Variants in CDH13 observed in about 807,000 individuals in gnomAD.
CDH13 encodes the protein cadherin 13, also known as cadherin-13.
CDH13 carries 24 observed loss-of-function variants against 63.8 expected under a neutral mutation model. That is an observed-to-expected ratio of 0.38 (90% CI 0.27 to 0.53). The LOEUF is 0.53. Ranked by LOEUF, CDH13 falls within the 20% of genes least tolerant of loss-of-function variation. The pLI, the probability that CDH13 is intolerant of heterozygous loss-of-function variation, is 0.85. For synonymous variants in CDH13, 503 were observed against 355.3 expected (o/e 1.42, Z -4.67); for missense variants, 1,049 against 903.1 (o/e 1.16, Z -2.07).
intron 4 of CDH13, among the ~76,000 whole-genome samples, chr16:83,164,963 A>C (rs1229542579): frequency 6.6e-6 from 1 of 151,822 alleles, no homozygotes; most frequent in Non-Finnish European, 1.5e-5. Flanking sequence ...CCATGGCAGA[A>C]CTGGAGACAA....
chr16:83,010,142 A>AAAAAAAG (rs1913982619), intron 2 of CDH13, among the ~76,000 whole-genome samples: 1 of 81,928 alleles, frequency 1.2e-5, no homozygotes, highest in African/African-American at 4.0e-5. Context: ...TCTCAAAAAA[A>AAAAAAAG]AAAAAAAAAA....
chr16:83,522,641 G>C (rs548000284), intron 7 of CDH13, among the ~76,000 whole-genome samples: 16 of 152,302 alleles, frequency 1.1e-4, no homozygotes, highest in East Asian at 5.8e-4. Context: ...AGCGCAGTGG[G>C]TTCTTAAACA....
At chr16:83,044,124 C>A (rs1301786369) in intron 3 of CDH13, among the ~76,000 whole-genome samples, 1 of 152,196 alleles carries the variant, frequency 6.6e-6, no homozygotes, top group Non-Finnish European at 1.5e-5. Flanking sequence ...CCTCACACAT[C>A]CATCTGTTTT....
chr16:83,268,235 C>A (rs976496820), intron 5 of CDH13, among the ~76,000 whole-genome samples: 1 of 152,184 alleles, frequency 6.6e-6, no homozygotes, highest in Non-Finnish European at 1.5e-5. Context: ...TACCTATACT[C>A]ATGTTGTATA....
intron 13 of CDH13, among the ~76,000 whole-genome samples, chr16:83,793,223 A>G (rs1171680152): frequency 6.6e-6 from 1 of 152,216 alleles, no homozygotes; most frequent in Non-Finnish European, 1.5e-5. Flanking sequence ...CTGGGCTGGA[A>G]TTCACGCCTC....
chr16:83,290,430 C>G (rs370676603), intron 5 of CDH13, among the ~76,000 whole-genome samples: 7 of 152,202 alleles, frequency 4.6e-5, no homozygotes, highest in African/African-American at 1.4e-4. Context: ...AGAAGTCTCA[C>G]GAGATCTGAT....
chr16:83,611,338 G>T (rs981126823), intron 8 of CDH13, among the ~76,000 whole-genome samples: 1 of 151,756 alleles, frequency 6.6e-6, no homozygotes, highest in South Asian at 2.1e-4. Flanking sequence ...CTACCCCAAA[G>T]GTTTAATTTC....
intron 3 of CDH13, among the ~76,000 whole-genome samples, chr16:83,109,757 G>A (rs895258820): frequency 6.6e-6 from 1 of 152,166 alleles, no homozygotes; most frequent in African/African-American, 2.4e-5. Context: ...AGTAGCTATT[G>A]AACATGAATA....
intron 10 of CDH13, chr16:83,721,919 G>A (rs1183408393): frequency 1.3e-5 from 2 of 152,250 alleles, no homozygotes; most frequent in Non-Finnish European, 2.9e-5. Context: ...CATTTTGCTA[G>A]AGTAGAGAGA....
chr16:82,922,586 C>G (rs2042189077), intron 2 of CDH13, among the ~76,000 whole-genome samples: 1 of 152,108 alleles, frequency 6.6e-6, no homozygotes, highest in African/African-American at 2.4e-5. Flanking sequence ...AACAGGTATG[C>G]CTTCAAAACT....
Position 82,627,264 on chromosome 16 carries a change from G to T in CDH13, c.45+127G>T, listed in dbSNP as rs141835567. The T allele has an allele frequency of 1.3e-3, 972 of 773,566 alleles. 5 individuals are homozygous for T. In the African/African-American group the frequency reaches 0.015, roughly 12 times the overall value. 47.9% of individuals were successfully genotyped at this position (773,566 alleles called of 1,614,324 possible). A position where few individuals can be genotyped will look rare whatever the true frequency, so the allele number is the denominator to read the frequency against. On this transcript the variant is annotated intron_variant, in intron 1 of 13. Transcript: ENST00000567109. ...GGTCGCGGCGGCGAAGACAGATCGG[G>T]GCTCGGTAGGGAGGTCATTCCGAGC...
chr16:82,713,819 AAC>A lies in CDH13; in HGVS notation c.45+86684_45+86685del, dbSNP rs869152850. On this transcript the variant is annotated intron_variant, in intron 1 of 13. Coordinates refer to ENST00000567109, the MANE Select transcript of CDH13 (RefSeq NM_001257.5). ...TTCTGTATTTGTGAAAAAAAAAACA[AAC>A]AAAAAAAAAGGAAAACAATAGTTTC... Among the ~76,000 whole-genome samples the A allele has an allele frequency of 2.1e-3, 312 of 148,608 alleles. 3 individuals are homozygous for A. Among genetic ancestry groups the A allele is most frequent in the African/African-American group, 7.5e-3 (297 of 39,578 alleles).
chr16:83,257,719 C>A (rs1906468298), intron 5 of CDH13, among the ~76,000 whole-genome samples: 1 of 152,144 alleles, frequency 6.6e-6, no homozygotes, highest in Admixed American at 6.5e-5. Flanking sequence ...AATAGTGCTG[C>A]AATGAACATA....
chr16:82,683,177 G>C (rs1174665501), intron 1 of CDH13, among the ~76,000 whole-genome samples: 2 of 152,152 alleles, frequency 1.3e-5, no homozygotes, highest in Non-Finnish European at 1.5e-5. Flanking sequence ...CCCTGGTGTG[G>C]TCTTACTAAA....
intron 4 of CDH13, among the ~76,000 whole-genome samples, chr16:83,167,615 G>A (rs780910859): frequency 8.0e-5 from 12 of 150,566 alleles, no homozygotes; most frequent in Non-Finnish European, 1.2e-4. Flanking sequence ...TATGTTCCAC[G>A]TTATCAAGAC....
intron 5 of CDH13, among the ~76,000 whole-genome samples, chr16:83,298,127 C>A (rs1019560442): frequency 4.0e-5 from 6 of 151,286 alleles, no homozygotes; most frequent in African/African-American, 1.5e-4. Context: ...CCTGTGGTTC[C>A]AGCTACTCAG....
intron 3 of CDH13, among the ~76,000 whole-genome samples, chr16:83,050,699 G>A (rs556510287): frequency 2.5e-4 from 38 of 151,888 alleles, no homozygotes; most frequent in African/African-American, 8.9e-4. Flanking sequence ...TGTCTACAGC[G>A]CATCTCCACC....
chr16:83,215,151 A>T (rs904993837), intron 4 of CDH13, among the ~76,000 whole-genome samples: 2 of 124,232 alleles, frequency 1.6e-5, no homozygotes, highest in Admixed American at 1.2e-4. Context: ...ATCCCAGCTC[A>T]CTGCAACCTA....
intron 2 of CDH13, among the ~76,000 whole-genome samples, chr16:82,895,005 G>T (rs1288360970): frequency 6.6e-6 from 1 of 152,200 alleles, no homozygotes; most frequent in Non-Finnish European, 1.5e-5. Flanking sequence ...ACGGTAAGGA[G>T]GTTGGATTGT....
Sources: allele counts gnomAD v4.1 joint callset (sites outside exome capture counted in the v4.1 genomes callset), GRCh38; gene constraint gnomAD v4.1.1; transcripts MANE v1.5; gene names NCBI Gene and HGNC (gene_info 2026-07-23, HGNC 2026-07-21).